IL1RAPL1: variants seen among roughly 807,000 people sequenced by gnomAD.
The protein encoded by IL1RAPL1 is interleukin-1 receptor accessory protein-like 1.
In IL1RAPL1, 3 loss-of-function variants were observed where a neutral mutation model predicts 48.4. That is an observed-to-expected ratio of 0.06 (90% CI 0.03 to 0.16). The LOEUF (loss-of-function observed/expected upper bound fraction) is 0.16. Among genes scored for constraint, IL1RAPL1 ranks in the 10% least tolerant of loss-of-function variants. IL1RAPL1 has a pLI of 1.00. For synonymous variants in IL1RAPL1, 185 were observed against 187.7 expected (o/e 0.99, Z 0.12); for missense variants, 349 against 530.6 (o/e 0.66, Z 3.36).
chrX:29,806,808 C>T (rs978487066), intron 6 of IL1RAPL1, among the ~76,000 whole-genome samples: 2 of 111,264 alleles, frequency 1.8e-5, no homozygotes, highest in African/African-American at 6.5e-5. Context: ...CATGAGGAGT[C>T]GTAATCTCCA....
chrX:29,193,338 A>T (rs768458059), intron 2 of IL1RAPL1, among the ~76,000 whole-genome samples: 1 of 111,128 alleles, frequency 9.0e-6, no homozygotes, highest in South Asian at 3.7e-4. Flanking sequence ...ATATAACACA[A>T]ATTCTCAGAA....
intron 2 of IL1RAPL1, among the ~76,000 whole-genome samples, chrX:29,049,650 C>G (rs751570091): frequency 8.9e-6 from 1 of 112,402 alleles, no homozygotes; most frequent in South Asian, 3.7e-4. Flanking sequence ...GCACATAGTA[C>G]TTCTGCTACT....
intron 5 of IL1RAPL1, among the ~76,000 whole-genome samples, chrX:29,500,941 T>A (rs1477286677): frequency 2.7e-5 from 3 of 111,948 alleles, no homozygotes; most frequent in Non-Finnish European, 3.8e-5. Context: ...CACCTTCCTC[T>A]ACATCCTTGC....
At chrX:28,916,306 T>G (rs1923489720) in intron 2 of IL1RAPL1, among the ~76,000 whole-genome samples, 1 of 111,487 alleles carries the variant, frequency 9.0e-6, no homozygotes, top group Non-Finnish European at 1.9e-5. Flanking sequence ...CACTGGCTTT[T>G]TATTCTCCCA....
At chrX:29,181,200 A>C (rs1184558518) in intron 2 of IL1RAPL1, among the ~76,000 whole-genome samples, 3 of 111,200 alleles carry the variant, frequency 2.7e-5, no homozygotes, top group African/African-American at 9.8e-5. Flanking sequence ...TAATAGTCTC[A>C]TCCTAGGTTT....
intron 2 of IL1RAPL1, among the ~76,000 whole-genome samples, chrX:29,212,382 C>T (rs1930786703): frequency 1.8e-5 from 2 of 111,562 alleles, no homozygotes; most frequent in Non-Finnish European, 3.8e-5. Context: ...GATCTCAGCT[C>T]ACTGCAACCT....
In IL1RAPL1 at chrX:29,579,954, A is replaced by G. The variant is rs1043526557; in HGVS notation, c.704-88476A>G. On this transcript the variant is annotated intron_variant, in intron 5 of 10. Transcript: ENST00000378993. ...TTTTGTTACAGATTTGCTCTCATGA[A>G]TTTAATTTTATATTGCCTTACTCTT... Among the ~76,000 whole-genome samples, 8 of 111,567 alleles carry G rather than the reference A, an allele frequency of 7.2e-5. No individual in the cohort carries two copies. In the Admixed American group the frequency reaches 7.6e-4, roughly 11 times the overall value.
At chrX:29,308,147 G>T (rs1932653962) in intron 3 of IL1RAPL1, among the ~76,000 whole-genome samples, 1 of 111,592 alleles carries the variant, frequency 9.0e-6, no homozygotes, top group East Asian at 2.8e-4. Context: ...GGCTTTTTAG[G>T]CATGTCTGGA....
chrX:29,715,470 T>C (rs767456588), intron 6 of IL1RAPL1, among the ~76,000 whole-genome samples: 2 of 111,912 alleles, frequency 1.8e-5, no homozygotes, highest in South Asian at 7.6e-4. Flanking sequence ...CTCTTTGTCC[T>C]GTCTCTCCTC....
chrX:29,693,414 C>T (rs1273331307), intron 6 of IL1RAPL1, among the ~76,000 whole-genome samples: 4 of 110,950 alleles, frequency 3.6e-5, no homozygotes, highest in Admixed American at 1.9e-4. Flanking sequence ...TGGGTTTGTG[C>T]TTAATTTAAA....
intron 5 of IL1RAPL1, among the ~76,000 whole-genome samples, chrX:29,558,999 A>G (rs1922097666): frequency 8.9e-6 from 1 of 112,016 alleles, no homozygotes; most frequent in Non-Finnish European, 1.9e-5. Flanking sequence ...CAAGGTTATT[A>G]TGGCTATTCA....
chrX:28,624,188 C>T (rs1313354282), intron 1 of IL1RAPL1, among the ~76,000 whole-genome samples: 2 of 111,247 alleles, frequency 1.8e-5, no homozygotes, highest in African/African-American at 6.5e-5. Flanking sequence ...TAAAATAATT[C>T]TCTTACTTTT....
At chrX:29,734,553 C>T (rs1928000475) in intron 6 of IL1RAPL1, among the ~76,000 whole-genome samples, 1 of 112,108 alleles carries the variant, frequency 8.9e-6, no homozygotes, top group Admixed American at 9.5e-5. Flanking sequence ...TTGACATCTG[C>T]AAGAGATAAT....
intron 5 of IL1RAPL1, among the ~76,000 whole-genome samples, chrX:29,643,890 T>C (rs1272280777): frequency 8.9e-6 from 1 of 112,094 alleles, no homozygotes; most frequent in Admixed American, 9.5e-5. Flanking sequence ...CACATTTTTT[T>C]GTGTGTGTCA....
chrX:29,352,661 A>G (rs188435182), intron 3 of IL1RAPL1, among the ~76,000 whole-genome samples: 1 of 93,866 alleles, frequency 1.1e-5, no homozygotes, highest in African/African-American at 4.2e-5. Context: ...ACCTAGGCTC[A>G]GACTACTGGA....
At chrX:29,566,636 C>T (rs1192559889) in intron 5 of IL1RAPL1, among the ~76,000 whole-genome samples, 1 of 111,413 alleles carries the variant, frequency 9.0e-6, no homozygotes, top group Non-Finnish European at 1.9e-5. Flanking sequence ...TATTTTCTGT[C>T]GAAATATACC....
intron 2 of IL1RAPL1, among the ~76,000 whole-genome samples, chrX:28,837,158 C>T (rs1921243103): frequency 9.0e-6 from 1 of 111,278 alleles, no homozygotes; most frequent in Non-Finnish European, 1.9e-5. Flanking sequence ...CTAATATAGG[C>T]ATTACCTCAC....
intron 2 of IL1RAPL1, among the ~76,000 whole-genome samples, chrX:29,106,863 T>C (rs937316608): frequency 1.5e-4 from 17 of 111,367 alleles, no homozygotes; most frequent in African/African-American, 5.5e-4. Context: ...TTTCTTTGAT[T>C]TTTTGTTTGT....
intron 1 of IL1RAPL1, among the ~76,000 whole-genome samples, chrX:28,652,059 G>A (rs1934689364): frequency 8.9e-6 from 1 of 111,756 alleles, no homozygotes; most frequent in African/African-American, 3.3e-5. Flanking sequence ...ATTTAGAGTT[G>A]TTCCATTTTA....
Sources: allele counts gnomAD v4.1 joint callset (sites outside exome capture counted in the v4.1 genomes callset), GRCh38; gene constraint gnomAD v4.1.1; transcripts MANE v1.5; gene names NCBI Gene and HGNC (gene_info 2026-07-23, HGNC 2026-07-21).